OSBPL6: variants seen among roughly 807,000 people sequenced by gnomAD.
The protein encoded by OSBPL6 is oxysterol-binding protein-related protein 6.
In OSBPL6, 49 loss-of-function variants were observed where a neutral mutation model predicts 125.8. That is an observed-to-expected ratio of 0.39 (90% confidence interval 0.31 to 0.49). The LOEUF (loss-of-function observed/expected upper bound fraction) is 0.49. Among genes scored for constraint, OSBPL6 ranks in the 20% least tolerant of loss-of-function variants. The pLI is 0.88. For missense variants in OSBPL6, 986 were observed against 1,135.4 expected (o/e 0.87, Z 1.89); for synonymous variants, 394 against 391.8 (o/e 1.01, Z -0.07).
At chr2:178,212,956 C>T (rs1266272658) in intron 1 of OSBPL6, among the ~76,000 whole-genome samples, 1 of 152,074 alleles carries the variant, frequency 6.6e-6, no homozygotes, top group Admixed American at 6.5e-5. Context: ...TACAGGTGCA[C>T]ACCACCACAC....
At chr2:178,395,381 T>C in intron 24 of OSBPL6, 70 bp from the exon 25 acceptor site, 2 of 1,069,970 alleles carry the variant, frequency 1.9e-6, no homozygotes, top group Admixed American at 1.9e-5. Context: ...GTCTAATCTA[T>C]AGGAGAGGGT....
chr2:178,274,398 G>A (rs985861663), intron 1 of OSBPL6, among the ~76,000 whole-genome samples: 1 of 151,522 alleles, frequency 6.6e-6, no homozygotes, highest in African/African-American at 2.4e-5. Context: ...CACTTATGTA[G>A]TCTTAAGTGC....
At chr2:178,232,402 A>C (rs2090870656) in intron 1 of OSBPL6, among the ~76,000 whole-genome samples, 1 of 152,206 alleles carries the variant, frequency 6.6e-6, no homozygotes, top group Non-Finnish European at 1.5e-5. Context: ...AGAGAGGGGA[A>C]GGCTCTGGAC....
chr2:178,400,360 C>T lies in OSBPL6; in HGVS notation c.*4801C>T, dbSNP rs1207826992. ...GGAGCGCAATGGCACAATCTCGGCT[C>T]ACTGCAGCCTCCGCCTCCCAGGTTC... On this transcript the variant is annotated 3_prime_UTR_variant, in exon 25 of 25. Coordinates refer to ENST00000190611, the MANE Select transcript of OSBPL6 (RefSeq NM_032523.4). The T allele has an allele frequency of 6.6e-6, 1 of 151,072 alleles. No homozygotes were observed. 9.4% of individuals were successfully genotyped at this position (151,072 alleles called of 1,614,324 possible).
intron 13 of OSBPL6, among the ~76,000 whole-genome samples, chr2:178,363,842 A>AATAATTTGGAACTATTAAGTTTCAAATAG (rs1692571762): frequency 6.6e-6 from 1 of 152,230 alleles, no homozygotes; most frequent in African/African-American, 2.4e-5. Flanking sequence ...AAGATGTGAA[A>AATAATTTGGAACTATTAAGTTTCAAATAG]ATAATTTGGA....
chr2:178,263,174 G>A lies in OSBPL6; in HGVS notation c.-350-21753G>A, dbSNP rs373036492. On this transcript the variant is annotated intron_variant, in intron 1 of 24. Transcript: ENST00000190611. ...GGTGTTAGTATGATCTTGGATAAAA[G>A]CACATATAGAATAGTCTGTCAAGGC... Among the ~76,000 whole-genome samples the A allele has an allele frequency of 2.2e-4, 34 of 152,298 alleles. No homozygotes were observed. The East Asian group carries it at 6.0e-3, about 27-fold the overall frequency.
chr2:178,340,620 T>A (rs1277568016), intron 11 of OSBPL6, among the ~76,000 whole-genome samples: 1 of 152,104 alleles, frequency 6.6e-6, no homozygotes, highest in African/African-American at 2.4e-5. Context: ...ATATTATACA[T>A]GGCCCTTATC....
Position 178,402,465 on chromosome 2 carries a change from G to T in OSBPL6, c.*6906G>T, listed in dbSNP as rs1696126252. The T allele has an allele frequency of 6.6e-6, 1 of 152,036 alleles. No individual in the cohort carries two copies. Among genetic ancestry groups the T allele is most frequent in the African/African-American group, 2.4e-5 (1 of 41,400 alleles). The allele number at this position is 152,036 out of a possible 1,614,324, so 9.4% of individuals were successfully genotyped here. ...CTGACTGGTAGGGAAAGCCTGCAGGGAAATCCTGTGGCAAAGCACACTCTT... is the reference window on the plus strand; with the variant it reads ...CTGACTGGTAGGGAAAGCCTGCAGGTAAATCCTGTGGCAAAGCACACTCTT... On this transcript the variant is annotated 3_prime_UTR_variant, in exon 25 of 25. Transcript: ENST00000190611.
chr2:178,339,843 T>A, intron 11 of OSBPL6, 79 bp downstream of exon 11: 2 of 999,032 alleles, frequency 2.0e-6, no homozygotes. Context: ...TTTATGGGCG[T>A]TAGATTGAAA....
chr2:178,396,118 A>G lies in OSBPL6; in HGVS notation c.*559A>G. 1 of 174,164 alleles carries G rather than the reference A, an allele frequency of 5.7e-6. No homozygotes were observed. Among genetic ancestry groups the G allele is most frequent in the Non-Finnish European group, 1.3e-5 (1 of 79,512 alleles). The allele number at this position is 174,164 out of a possible 1,614,324, so 10.8% of individuals were successfully genotyped here. On this transcript the variant is annotated 3_prime_UTR_variant, in exon 25 of 25. Transcript: ENST00000190611. ...GTATGCCATTGTTCATGCCTTAAGAAATGCAAAGATGTACAATAAATCATT... is the reference window on the plus strand; with the variant it reads ...GTATGCCATTGTTCATGCCTTAAGAGATGCAAAGATGTACAATAAATCATT...
intron 12 of OSBPL6, among the ~76,000 whole-genome samples, chr2:178,352,263 T>C (rs1224067564): frequency 6.6e-6 from 1 of 151,838 alleles, no homozygotes; most frequent in African/African-American, 2.4e-5. Flanking sequence ...CCACAGAGGG[T>C]GGGCCAAAGC....
chr2:178,212,723 T>C (rs1381455973), intron 1 of OSBPL6, among the ~76,000 whole-genome samples: 2 of 152,236 alleles, frequency 1.3e-5, no homozygotes, highest in African/African-American at 4.8e-5. Flanking sequence ...TGCAATTTTT[T>C]AAACGCAGAG....
At chr2:178,239,243 A>G (rs2091186907) in intron 1 of OSBPL6, among the ~76,000 whole-genome samples, 1 of 152,236 alleles carries the variant, frequency 6.6e-6, no homozygotes, top group Admixed American at 6.5e-5. Context: ...TATATGAAAT[A>G]GAAATTTTAC....
At chr2:178,274,413 T>C (rs2092429958) in intron 1 of OSBPL6, among the ~76,000 whole-genome samples, 1 of 152,092 alleles carries the variant, frequency 6.6e-6, no homozygotes, top group Admixed American at 6.6e-5. Flanking sequence ...AAGTGCTATA[T>C]ATAAATAAAC....
At chr2:178,361,263 T>C (rs1692328245) in intron 12 of OSBPL6, among the ~76,000 whole-genome samples, 1 of 152,254 alleles carries the variant, frequency 6.6e-6, no homozygotes. Context: ...TTTTGGAGAA[T>C]ATTTTTGGAT....
At chr2:178,234,021 A>C (rs1322856893) in intron 1 of OSBPL6, among the ~76,000 whole-genome samples, 1 of 152,130 alleles carries the variant, frequency 6.6e-6, no homozygotes. Flanking sequence ...TTATTCAGCT[A>C]TTTAATAATA....
chr2:178,206,081 CTT>C (rs1342387732), intron 1 of OSBPL6, among the ~76,000 whole-genome samples: 1 of 152,184 alleles, frequency 6.6e-6, no homozygotes, highest in African/African-American at 2.4e-5. Flanking sequence ...TTCCACAATT[CTT>C]TTTAATACTG....
chr2:178,200,411 C>T (rs895044375), intron 1 of OSBPL6, among the ~76,000 whole-genome samples: 2 of 151,914 alleles, frequency 1.3e-5, no homozygotes, highest in Admixed American at 6.6e-5. Flanking sequence ...GTCACCATGC[C>T]TGGCTAATTT....
At chr2:178,339,790 C>T in intron 11 of OSBPL6, 26 bp downstream of exon 11, 2 of 1,531,806 alleles carry the variant, frequency 1.3e-6, no homozygotes, top group Non-Finnish European at 1.8e-6. Flanking sequence ...TTCCTTCATT[C>T]ACGTTTCTAC....
Sources: allele counts gnomAD v4.1 joint callset (sites outside exome capture counted in the v4.1 genomes callset), GRCh38; gene constraint gnomAD v4.1.1; transcripts MANE v1.5; gene names NCBI Gene and HGNC (gene_info 2026-07-23, HGNC 2026-07-21).